MYH7: variants seen among roughly 807,000 people sequenced by gnomAD.
The protein encoded by MYH7 is myosin heavy chain 7, also known as myosin-7.
In MYH7, 129 loss-of-function variants were observed where a neutral mutation model predicts 225.4. The observed-to-expected ratio is 0.57, with a 90% CI of 0.50 to 0.66. The LOEUF (loss-of-function observed/expected upper bound fraction) is 0.66. Among genes scored for constraint, MYH7 ranks in the 30% least tolerant of loss-of-function variants. The probability of loss-of-function intolerance (pLI) is 0.00; values close to 1 mark genes in which losing one functional copy is unlikely to be tolerated. For missense variants in MYH7, 1,649 were observed against 2,517.0 expected (o/e 0.66, Z 7.38); for synonymous variants, 971 against 1,007.6 (o/e 0.96, Z 0.69).
Position 23,413,894 on chromosome 14 carries a change from C to G in MYH7, c.5656-1G>C, listed in dbSNP as rs560070845. 1 of 1,614,262 alleles carries G rather than the reference C, an allele frequency of 6.2e-7. No homozygotes were observed. Among genetic ancestry groups the G allele is most frequent in the East Asian group, 2.2e-5 (1 of 44,892 alleles). On this transcript the variant is annotated splice_acceptor_variant, in intron 38 of 39. Coordinates refer to ENST00000355349, the MANE Select transcript of MYH7 (RefSeq NM_000257.4). LOFTEE classifies it high-confidence loss of function. ...ACAGGTTGGTGTTGGCTTGCTCCTC[C>G]TGCGGGAGGTGGGAGCATGAGGTGA... is the stretch of plus-strand genomic sequence containing the variant.
chr14:23,430,509 G>A, intron 11 of MYH7, 51 bp downstream of exon 11: 1 of 1,435,632 alleles, frequency 7.0e-7, no homozygotes. Context: ...ACCCCTGTTT[G>A]CCCCTCACTG....
At chr14:23,414,129 T>C in intron 37 of MYH7, 27 bp from the exon 38 acceptor site, 2 of 1,597,792 alleles carry the variant, frequency 1.3e-6, no homozygotes, top group Non-Finnish European at 1.7e-6. Context: ...AGGCAGGGGG[T>C]GAAGATGGCA....
chr14:23,426,459 C>T (rs1892696505), intron 18 of MYH7, among the ~76,000 whole-genome samples: 3 of 152,190 alleles, frequency 2.0e-5, no homozygotes, highest in South Asian at 2.1e-4. Flanking sequence ...GAATATGTCT[C>T]ATTGGGGGAT....
At chr14:23,420,930 G>C in intron 26 of MYH7, 28 bp downstream of exon 26, 1 of 1,586,394 alleles carries the variant, frequency 6.3e-7, no homozygotes, top group Non-Finnish European at 8.6e-7. Flanking sequence ...CAGGGACTCA[G>C]CATCCCGCGT....
At chr14:23,431,026 G>A (rs920274086) in intron 9 of MYH7, 27 bp from the exon 10 acceptor site, 1 of 1,546,024 alleles carries the variant, frequency 6.5e-7, no homozygotes, top group Admixed American at 1.7e-5. Flanking sequence ...AGAAGAAGGA[G>A]AGAAAGAAAA....
At chr14:23,418,064 A>G in intron 30 of MYH7, 146 bp downstream of exon 30, 1 of 1,215,422 alleles carries the variant, frequency 8.2e-7, no homozygotes, top group Non-Finnish European at 1.2e-6. Flanking sequence ...CCCTGAGAGG[A>G]GAAGGAGGTG....
chr14:23,424,051 C>T lies in MYH7; in HGVS notation c.2778G>A (p.Leu926=), dbSNP rs777672095. 2 of 1,614,252 alleles carry T rather than the reference C, an allele frequency of 1.2e-6. No homozygotes were observed. Among genetic ancestry groups the T allele is most frequent in the South Asian group, 1.1e-5 (1 of 91,090 alleles). ...CAGCATTCATCTCCTCCTCATCCTC[C>T]AGCCTCTCGTTCATCTCCTTCACCT... ...EAKVKEMNER[L]EDEEEMNAEL... is the part of the protein sequence containing the mutation. The change falls in exon 23 of 40, where the codon CTG becomes CTA. Residue 926 remains leucine, a synonymous_variant. Transcript: ENST00000355349.
chr14:23,432,571 C>T (rs1480247548), intron 5 of MYH7, 65 bp from the exon 6 acceptor site: 4 of 1,614,164 alleles, frequency 2.5e-6, no homozygotes, highest in Non-Finnish European at 3.4e-6. Context: ...GGGCTTCTCC[C>T]TTCCTTCTCC....
rs606231322 is a variant in MYH7, at chr14:23,429,071, C to T, written c.1291G>A (p.Val431Met). ...ATCCAGTTGAACATCCTCTCATACA[C>T]TGCCTTGGCCAGTGCCCCAGTGGCA... ...IYATGALAKA[V>M]YERMFNWMVT... The change falls in exon 14 of 40, where the codon GTG becomes ATG. Residue 431 changes from valine (V) to methionine (M), a missense_variant. Val to Met is a conservative substitution (Grantham distance 21). Transcript: ENST00000355349. 1.2e-6 allele frequency: 2 copies of T among 1,614,224 alleles called. No homozygotes were observed. The highest frequency in any genetic ancestry group is 1.7e-6 in the Non-Finnish European group (2 of 1,180,048).
Position 23,433,492 on chromosome 14 carries a change from A to C in MYH7, c.201+40T>G. 6.3e-7 allele frequency: 1 copy of C among 1,596,320 alleles called. No individual in the cohort carries two copies. The highest frequency in any genetic ancestry group is 8.6e-7 in the Non-Finnish European group (1 of 1,166,100). On this transcript the variant is annotated intron_variant, in intron 3 of 39. Coordinates refer to ENST00000355349, the MANE Select transcript of MYH7 (RefSeq NM_000257.4). This position sits in a 1 kb window ranked among gnomAD's most constrained non-coding sequence, Gnocchi z 4.1. ...CCCCTCTCTGTCCACCCAGGTGTAC[A>C]GGTGGCCAGGGTGGACTCTCACATC...
intron 15 of MYH7, 41 bp downstream of exon 15, chr14:23,428,459 G>T: frequency 1.2e-6 from 2 of 1,613,520 alleles, no homozygotes; most frequent in Non-Finnish European, 1.7e-6. Context: ...GTTCTTGTTG[G>T]GTGTGCAGGG....
At chr14:23,414,126 G>T (rs1392142148) in intron 37 of MYH7, 24 bp from the exon 38 acceptor site, 1 of 1,599,678 alleles carries the variant, frequency 6.3e-7, no homozygotes, top group African/African-American at 1.3e-5. Flanking sequence ...GGTAGGCAGG[G>T]GGTGAAGATG....
In MYH7 at chr14:23,434,268, C is replaced by T; in HGVS notation, c.-64-19G>A. 1.0e-6 allele frequency: 1 copy of T among 1,001,582 alleles called. No individual in the cohort carries two copies. The highest frequency in any genetic ancestry group is 1.2e-6 in the Non-Finnish European group (1 of 838,360). The allele number at this position is 1,001,582 out of a possible 1,614,324, so 62.0% of individuals were successfully genotyped here. On this transcript the variant is annotated intron_variant, in intron 1 of 39. Transcript: ENST00000355349. ...AGGGGACCTGGAGAGAGGGAAGAGG[C>T]TGTGTCAGGGCAGGCTGTGCCCAAC...
intron 37 of MYH7, among the ~76,000 whole-genome samples, chr14:23,414,471 G>A (rs1277506558): frequency 6.6e-6 from 1 of 152,140 alleles, no homozygotes; most frequent in Non-Finnish European, 1.5e-5. Flanking sequence ...TTCCTGGGCT[G>A]CAATGCAGGC....
Position 23,431,394 on chromosome 14 carries a change from GCCTAGCAGATTCATGGC to G in MYH7, c.796+7_796+23del, listed in dbSNP as rs1566536987. 1 of 1,611,364 alleles carries G rather than the reference GCCTAGCAGATTCATGGC, an allele frequency of 6.2e-7. No individual in the cohort carries two copies. The highest frequency in any genetic ancestry group is 8.5e-7 in the Non-Finnish European group (1 of 1,177,552). Reference sequence around the variant, plus strand: ...TAGAGCAAGGGTGAGCTTAGGCTGAGCCTAGCAGATTCATGGCACTCACAGGTCTCTATGTCTGCAGA... The same window carrying G: ...TAGAGCAAGGGTGAGCTTAGGCTGAGACTCACAGGTCTCTATGTCTGCAGA... On this transcript the variant is annotated splice_region_variant and intron_variant, in intron 9 of 39. Coordinates refer to ENST00000355349, the MANE Select transcript of MYH7 (RefSeq NM_000257.4).
Position 23,416,851 on chromosome 14 carries a change from C to G in MYH7, c.4644+17G>C. On this transcript the variant is annotated intron_variant, in intron 33 of 39. Coordinates refer to ENST00000355349, the MANE Select transcript of MYH7 (RefSeq NM_000257.4). ...GAGCTCAGCTCCCTGCACCCCGTGCCCTGCACACACACACACCTCGGCCTC... is the reference window on the plus strand; with the variant it reads ...GAGCTCAGCTCCCTGCACCCCGTGCGCTGCACACACACACACCTCGGCCTC... 6.2e-7 allele frequency: 1 copy of G among 1,614,066 alleles called. No individual in the cohort carries two copies. Among genetic ancestry groups the G allele is most frequent in the Non-Finnish European group, 8.5e-7 (1 of 1,180,026 alleles).
Position 23,415,457 on chromosome 14 carries a change from T to C in MYH7, c.5207A>G (p.Gln1736Arg). Residue 1736 changes from glutamine (Q) to arginine (R), a missense_variant, in exon 36 of 40, where the codon CAG becomes CGG. Transcript: ENST00000355349. This position sits in a 1 kb window ranked among gnomAD's most constrained non-coding sequence, Gnocchi z 6.3. The stretch of plus-strand genomic sequence containing the variant: ...TGCCTCCTCCACTTCAGTCTGGAGC[T>C]GGGACAGGTCAGCATCCATCTTCTT... The part of the protein sequence containing the change: ...QKKKMDADLS[Q>R]LQTEVEEAVQ... 1 of 1,614,238 alleles carries C rather than the reference T, an allele frequency of 6.2e-7. No individual in the cohort carries two copies. The highest frequency in any genetic ancestry group is 8.5e-7 in the Non-Finnish European group (1 of 1,180,042).
At chr14:23,423,253 T>C (rs915755869) in intron 24 of MYH7, among the ~76,000 whole-genome samples, 6 of 152,168 alleles carry the variant, frequency 3.9e-5, no homozygotes, top group Admixed American at 3.9e-4. Context: ...AAGGCAGAGA[T>C]ATATGGGATT....
rs752020134 is a variant in MYH7, at chr14:23,426,907, G to A, written c.1957-43C>T. On this transcript the variant is annotated intron_variant, in intron 17 of 39. Transcript: ENST00000355349. ...ATAGAGAAAAGTAAAGAAAATGCCA[G>A]AAAGAGATGCAGGAAGAAGAGAGGA... 172 of 1,513,810 alleles carry A rather than the reference G, an allele frequency of 1.1e-4. 2 individuals carry two copies. The South Asian group carries it at 1.9e-3, about 17-fold the overall frequency. The allele number at this position is 1,513,810 out of a possible 1,614,324, so 93.8% of individuals were successfully genotyped here.
Sources: allele counts gnomAD v4.1 joint callset (sites outside exome capture counted in the v4.1 genomes callset), GRCh38; gene constraint gnomAD v4.1.1; non-coding constraint Gnocchi (gnomAD v3.1); transcripts MANE v1.5; gene names NCBI Gene and HGNC (gene_info 2026-07-23, HGNC 2026-07-21).